Variants in TFCP2 observed in about 807,000 individuals in gnomAD.
TFCP2 encodes the protein transcription factor CP2, also known as alpha-globin transcription factor CP2.
Under a neutral mutation model 73.4 loss-of-function variants are expected in TFCP2, and 33 were observed. The observed-to-expected ratio is 0.45, with a 90% CI of 0.34 to 0.60. The LOEUF is 0.60. TFCP2 is among the 20% of genes least tolerant of loss of function. The probability of loss-of-function intolerance (pLI) is 0.01; values close to 1 mark genes in which losing one functional copy is unlikely to be tolerated. For synonymous variants in TFCP2, 193 were observed against 211.6 expected, an observed-to-expected ratio of 0.91 and a Z score of 0.76; for missense variants, 352 against 604.0, an observed-to-expected ratio of 0.58 and a Z score of 4.37.
intron 1 of TFCP2, among the ~76,000 whole-genome samples, chr12:51,165,848 G>A (rs1941747418): frequency 2.0e-5 from 3 of 152,098 alleles, no homozygotes; most frequent in Non-Finnish European, 1.5e-5. Flanking sequence ...CACTAAAACG[G>A]CATTTATGAA....
chr12:51,098,671 C>T (rs1940028813), intron 13 of TFCP2, 105 bp downstream of exon 13: 1 of 1,330,494 alleles, frequency 7.5e-7, no homozygotes, highest in Non-Finnish European at 1.0e-6. Flanking sequence ...GTATGAAACC[C>T]TCTGATCTAG....
intron 1 of TFCP2, among the ~76,000 whole-genome samples, chr12:51,131,993 T>C (rs1472013611): frequency 1.3e-5 from 2 of 152,180 alleles, no homozygotes; most frequent in Admixed American, 1.3e-4. Context: ...AACTAAGTTA[T>C]TTTTCATTTA....
chr12:51,098,380 C>A (rs1940019454), intron 13 of TFCP2, among the ~76,000 whole-genome samples: 1 of 152,238 alleles, frequency 6.6e-6, no homozygotes. Context: ...AATCCCACCA[C>A]TTTGGGAGGC....
intron 1 of TFCP2, among the ~76,000 whole-genome samples, chr12:51,155,108 TC>T (rs1395568210): frequency 6.6e-6 from 1 of 152,146 alleles, no homozygotes; most frequent in Non-Finnish European, 1.5e-5. Flanking sequence ...GGCTGGGACA[TC>T]CTTCTCCTGC....
rs796474525 is a variant in TFCP2 at position 51,130,693 on chromosome 12, TA to T, written c.123-11922del. Among the ~76,000 whole-genome samples, 1,349 of 151,164 alleles carry T rather than the reference TA, an allele frequency of 8.9e-3. 25 individuals are homozygous for T. Among genetic ancestry groups the T allele is most frequent in the African/African-American group, 0.031 (1,269 of 41,248 alleles). On this transcript the variant is annotated intron_variant, in intron 1 of 14. Coordinates refer to ENST00000257915, the MANE Select transcript of TFCP2 (RefSeq NM_005653.5). ...ACTGGCTTATAAATCTGTCTATACT[TA>T]AAAAAAAACTGGCCAGGCACGATGG...
chr12:51,127,157 A>G (rs1940835136), intron 1 of TFCP2, among the ~76,000 whole-genome samples: 1 of 152,194 alleles, frequency 6.6e-6, no homozygotes, highest in Admixed American at 6.5e-5. Context: ...GAAGTAGTGG[A>G]TGCCTCAAAA....
chr12:51,166,912 TCACAAA>T (rs1941768745), intron 1 of TFCP2, among the ~76,000 whole-genome samples: 1 of 152,154 alleles, frequency 6.6e-6, no homozygotes, highest in African/African-American at 2.4e-5. Flanking sequence ...ATAACCATCA[TCACAAA>T]CAATTTTAGA....
At chr12:51,150,382 C>A (rs779559085) in intron 1 of TFCP2, among the ~76,000 whole-genome samples, 1 of 151,682 alleles carries the variant, frequency 6.6e-6, no homozygotes, top group Non-Finnish European at 1.5e-5. Flanking sequence ...TGTGCCACTG[C>A]ACTCCAGCCT....
chr12:51,155,043 G>C (rs908510104), intron 1 of TFCP2, among the ~76,000 whole-genome samples: 1 of 152,146 alleles, frequency 6.6e-6, no homozygotes, highest in Non-Finnish European at 1.5e-5. Flanking sequence ...TAAAGGGCTG[G>C]GTGCCCAGAT....
In TFCP2 at chr12:51,118,186, C is replaced by A. The variant is rs111379674; in HGVS notation, c.274+435G>T. 2.6e-3 allele frequency among the ~76,000 whole-genome samples: 399 copies of A among 152,260 alleles called. 1 individual carries two copies. Among genetic ancestry groups the A allele is most frequent in the African/African-American group, 9.4e-3 (389 of 41,542 alleles). ...TCAAGTATGACATTAGAACTCAAAT[C>A]TCTGAAGTAGGACTTCTAGTTTGAT... On this transcript the variant is annotated intron_variant, in intron 2 of 14. Transcript: ENST00000257915.
chr12:51,147,166 A>C (rs1555254847), intron 1 of TFCP2, among the ~76,000 whole-genome samples: 1 of 152,116 alleles, frequency 6.6e-6, no homozygotes, highest in Non-Finnish European at 1.5e-5. Context: ...AATATAGTGA[A>C]ACTCCATCTC....
chr12:51,169,538 T>C (rs892539485), intron 1 of TFCP2, among the ~76,000 whole-genome samples: 56 of 148,960 alleles, frequency 3.8e-4, no homozygotes, highest in Admixed American at 3.8e-3. Flanking sequence ...TAGTGACAAG[T>C]ACCTAACACA....
chr12:51,119,348 T>C (rs1332562868), intron 1 of TFCP2, among the ~76,000 whole-genome samples: 1 of 152,224 alleles, frequency 6.6e-6, no homozygotes, highest in African/African-American at 2.4e-5. Context: ...CAAAGACACA[T>C]ACCCATCCTT....
intron 1 of TFCP2, among the ~76,000 whole-genome samples, chr12:51,122,750 A>ATAT (rs1368516167): frequency 1.3e-5 from 2 of 152,168 alleles, no homozygotes. Flanking sequence ...CAACTGTAGA[A>ATAT]ACATAGAGTT....
intron 1 of TFCP2, among the ~76,000 whole-genome samples, chr12:51,159,062 A>G (rs56333399): frequency 6.7e-6 from 1 of 148,538 alleles, no homozygotes; most frequent in African/African-American, 2.5e-5. Flanking sequence ...GCCTTTAATC[A>G]CAGCTACTCA....
At chr12:51,100,328 T>C (rs967040027) in intron 11 of TFCP2, among the ~76,000 whole-genome samples, 8 of 152,194 alleles carry the variant, frequency 5.3e-5, no homozygotes, top group African/African-American at 1.7e-4. Context: ...CTAAGTCCTT[T>C]CTCTGTTCTT....
intron 5 of TFCP2, among the ~76,000 whole-genome samples, chr12:51,110,532 C>T (rs767615826): frequency 6.6e-6 from 1 of 152,186 alleles, no homozygotes; most frequent in Non-Finnish European, 1.5e-5. Flanking sequence ...TGCACCACTC[C>T]ACTCCAGATT....
At chr12:51,120,893 T>C (rs554718106) in intron 1 of TFCP2, among the ~76,000 whole-genome samples, 12 of 117,786 alleles carry the variant, frequency 1.0e-4, no homozygotes, top group African/African-American at 3.0e-4. Context: ...CTGGGCGACA[T>C]AGCGAGACTG....
rs575765507 is a variant in TFCP2 at position 51,135,851 on chromosome 12, T to C, written c.123-17079A>G. ...GAGGGAATTTGTTCCGGTCTACACA[T>C]ACTCATCACCACTACTGGGGTGAAA... is the stretch of plus-strand genomic sequence containing the variant. On this transcript the variant is annotated intron_variant, in intron 1 of 14. Transcript: ENST00000257915. 1.2e-4 allele frequency among the ~76,000 whole-genome samples: 19 copies of C among 152,266 alleles called. 1 individual carries two copies. The South Asian group carries it at 3.3e-3, about 27-fold the overall frequency.
Sources: allele counts gnomAD v4.1 joint callset (sites outside exome capture counted in the v4.1 genomes callset), GRCh38; gene constraint gnomAD v4.1.1; transcripts MANE v1.5; gene names NCBI Gene and HGNC (gene_info 2026-07-23, HGNC 2026-07-21).